Variants in KALRN observed in about 807,000 individuals in gnomAD.
KALRN encodes the protein kalirin RhoGEF kinase.
Under a neutral mutation model 353.7 loss-of-function variants are expected in KALRN, and 70 were observed. That is an observed-to-expected ratio of 0.20 (90% CI 0.16 to 0.24). KALRN has a LOEUF of 0.24. Among genes scored for constraint, KALRN ranks in the 10% least tolerant of loss-of-function variants. KALRN has a pLI of 1.00. For synonymous variants in KALRN, 1,391 were observed against 1,434.8 expected (o/e 0.97, Z 0.69); for missense variants, 2,791 against 3,756.7 (o/e 0.74, Z 6.72).
At chr3:124,701,430 C>T (rs1323116202) in intron 56 of KALRN, among the ~76,000 whole-genome samples, 1 of 144,944 alleles carries the variant, frequency 6.9e-6, no homozygotes, top group African/African-American at 2.6e-5. Context: ...CTCTGTCTCC[C>T]AGGCTGGAGT....
intron 27 of KALRN, 33 bp downstream of exon 27, chr3:124,477,367 T>G (rs751082732): frequency 9.5e-6 from 14 of 1,475,266 alleles, no homozygotes; most frequent in Non-Finnish European, 1.1e-5. Flanking sequence ...GAGCAGCTGA[T>G]GAGCAGGTGG....
intron 51 of KALRN, among the ~76,000 whole-genome samples, chr3:124,684,054 C>T (rs2061452672): frequency 6.6e-6 from 1 of 152,198 alleles, no homozygotes; most frequent in South Asian, 2.1e-4. Flanking sequence ...ACCATCACCA[C>T]TATCCATTTC....
At chr3:124,517,732 C>A (rs894226653) in intron 33 of KALRN, among the ~76,000 whole-genome samples, 3 of 152,168 alleles carry the variant, frequency 2.0e-5, no homozygotes, top group African/African-American at 7.2e-5. Flanking sequence ...CTACCCAAAC[C>A]AGCTGCATGC....
At chr3:124,464,988 C>CAGTAAA (rs2060194375) in intron 25 of KALRN, among the ~76,000 whole-genome samples, 1 of 151,960 alleles carries the variant, frequency 6.6e-6, no homozygotes. Context: ...TTAGCAGTAA[C>CAGTAAA]CCTGAGTCAT....
Position 124,652,002 on chromosome 3 carries a change from A to G in KALRN, c.5795+1064A>G, listed in dbSNP as rs575585572. 1.0e-3 allele frequency among the ~76,000 whole-genome samples: 158 copies of G among 152,304 alleles called. 1 individual carries two copies. The highest frequency in any genetic ancestry group is 3.6e-3 in the African/African-American group (148 of 41,574). ...AAGCAGAGCTACTGATGAGTCTTAG[A>G]CATAGCTCAGCATGTGAGAGATTAT... On this transcript the variant is annotated intron_variant, in intron 38 of 59. Coordinates refer to ENST00000682506, the MANE Select transcript of KALRN (RefSeq NM_001388419.1).
At chr3:124,377,307 T>G (rs1337916387) in intron 10 of KALRN, among the ~76,000 whole-genome samples, 1 of 152,200 alleles carries the variant, frequency 6.6e-6, no homozygotes, top group East Asian at 1.9e-4. Context: ...CTTTGACCTA[T>G]GGGTTATTTA....
At chr3:124,424,876 G>T (rs7616303) in intron 15 of KALRN, among the ~76,000 whole-genome samples, 3,976 of 152,200 alleles carry the variant, frequency 0.026, 180 homozygotes, top group African/African-American at 0.089. Context: ...AGGTACCATG[G>T]GGTTAGTGCT....
chr3:124,246,815 G>A (rs1455653330), intron 3 of KALRN, among the ~76,000 whole-genome samples: 4 of 152,184 alleles, frequency 2.6e-5, no homozygotes, highest in African/African-American at 9.7e-5. Context: ...GGAGTTTGTG[G>A]TAGGTAATCA....
chr3:124,637,481 G>A (rs1017429949), intron 37 of KALRN, among the ~76,000 whole-genome samples, 178 bp downstream of exon 37: 1 of 152,160 alleles, frequency 6.6e-6, no homozygotes, highest in Non-Finnish European at 1.5e-5. Context: ...TTTGGGAATG[G>A]GTATAGGGAA....
intron 33 of KALRN, chr3:124,519,496 A>G (rs970733002): frequency 3.0e-6 from 3 of 985,320 alleles, no homozygotes; most frequent in Non-Finnish European, 2.4e-6. Flanking sequence ...TTTATTTTCA[A>G]TAGATTAAAC....
intron 2 of KALRN, among the ~76,000 whole-genome samples, chr3:124,233,835 G>A (rs772013125): frequency 7.9e-5 from 12 of 152,178 alleles, no homozygotes; most frequent in Non-Finnish European, 1.5e-4. Flanking sequence ...GAGATGTGGC[G>A]TGAAGAGTCT....
At chr3:124,634,293 G>A (rs1001611961) in intron 36 of KALRN, among the ~76,000 whole-genome samples, 6 of 152,132 alleles carry the variant, frequency 3.9e-5, no homozygotes, top group African/African-American at 4.8e-5. Flanking sequence ...CCATTTTGTC[G>A]TACCTGACTG....
chr3:124,346,059 G>A (rs574300513), intron 9 of KALRN, among the ~76,000 whole-genome samples: 94 of 152,266 alleles, frequency 6.2e-4, no homozygotes, highest in African/African-American at 2.2e-3. Flanking sequence ...GGTTAATATT[G>A]CAGGCAGTGA....
At chr3:124,284,205 G>A (rs958503686) in intron 5 of KALRN, among the ~76,000 whole-genome samples, 14 of 152,158 alleles carry the variant, frequency 9.2e-5, no homozygotes, top group Non-Finnish European at 1.6e-4. Context: ...ATATCTGGGA[G>A]GGTCTCAGTC....
chr3:124,470,810 G>A (rs574586222), intron 25 of KALRN, among the ~76,000 whole-genome samples: 2 of 152,272 alleles, frequency 1.3e-5, no homozygotes, highest in East Asian at 3.9e-4. Context: ...CCCCAAAAGT[G>A]CTGCAAGCAC....
At chr3:124,526,711 G>C (rs765152940) in intron 33 of KALRN, among the ~76,000 whole-genome samples, 2 of 152,136 alleles carry the variant, frequency 1.3e-5, no homozygotes, top group Non-Finnish European at 2.9e-5. Context: ...GGCTATAAAG[G>C]GTTATGTCCA....
At chr3:124,442,234 G>T (rs369676521) in intron 19 of KALRN, among the ~76,000 whole-genome samples, 175 bp downstream of exon 19, 1 of 152,106 alleles carries the variant, frequency 6.6e-6, no homozygotes, top group Non-Finnish European at 1.5e-5. Context: ...TTTTAAACAC[G>T]CATCAAGATC....
rs540239040 is a variant in KALRN, at chr3:124,510,819, C to A, written c.4935+14406C>A. Among the ~76,000 whole-genome samples the A allele has an allele frequency of 2.0e-5, 3 of 152,284 alleles. No homozygotes were observed. In the South Asian group the frequency reaches 6.2e-4, roughly 32 times the overall value. On this transcript the variant is annotated intron_variant, in intron 33 of 59. Coordinates refer to ENST00000682506, the MANE Select transcript of KALRN (RefSeq NM_001388419.1). ...TCCTGAATCTTCTTTCTTTAAAACTCCCCATTCTTCAACAATAGTTTTTGT... is the reference window on the plus strand; with the variant it reads ...TCCTGAATCTTCTTTCTTTAAAACTACCCATTCTTCAACAATAGTTTTTGT...
intron 1 of KALRN, among the ~76,000 whole-genome samples, chr3:124,107,384 A>T (rs923636006): frequency 2.0e-5 from 3 of 152,168 alleles, no homozygotes; most frequent in Non-Finnish European, 4.4e-5. Context: ...ACACAGCCAA[A>T]TGCTTCAAGA....
Sources: gnomAD v4.1 joint callset for allele counts (sites outside exome capture counted in the v4.1 genomes callset) on GRCh38, gnomAD v4.1.1 for gene constraint, MANE v1.5 for transcripts, NCBI Gene and HGNC (gene_info 2026-07-23, HGNC 2026-07-21) for gene names.